The following ZNF658 variants were observed in gnomAD, a reference collection of about 807,000 sequenced individuals.
ZNF658 encodes zinc finger protein 658.
Under a neutral mutation model 78.0 loss-of-function variants are expected in ZNF658, and 46 were observed. The observed-to-expected ratio is 0.59, with a 90% CI of 0.47 to 0.75. The LOEUF (loss-of-function observed/expected upper bound fraction) is 0.75, where lower values mean the gene tolerates loss of function less well. Ranked by LOEUF, ZNF658 falls within the 30% of genes least tolerant of loss-of-function variation. The pLI, the probability that ZNF658 is intolerant of heterozygous loss-of-function variation, is 0.00. For synonymous variants in ZNF658, 279 were observed against 408.4 expected, an observed-to-expected ratio of 0.68 and a Z score of 3.82; for missense variants, 785 against 1,189.3, an observed-to-expected ratio of 0.66 and a Z score of 5.00.
At chr9:66,908,158 C>T (rs1296837483) in intron 2 of ZNF658, 80 bp from the exon 3 acceptor site, 55 of 1,609,786 alleles carry the variant, frequency 3.4e-5, no homozygotes, top group Non-Finnish European at 4.6e-5. Context: ...TAGTAGCTCT[C>T]AAAGATATTT....
chr9:66,929,852 C>A (rs1288393751), intron 6 of ZNF658, among the ~76,000 whole-genome samples: 1 of 127,490 alleles, frequency 7.8e-6, no homozygotes, highest in Non-Finnish European at 1.6e-5. Context: ...GGCATGATCT[C>A]GGCTCGCTGC....
At chr9:66,904,465 T>G (rs1392561999) in intron 2 of ZNF658, among the ~76,000 whole-genome samples, 1 of 151,860 alleles carries the variant, frequency 6.6e-6, no homozygotes, top group African/African-American at 2.4e-5. Context: ...CCTTGGCTCT[T>G]TAGTCTTCTC....
intron 4 of ZNF658, among the ~76,000 whole-genome samples, chr9:66,914,351 T>A (rs1422132824): frequency 6.6e-6 from 1 of 152,082 alleles, no homozygotes; most frequent in Non-Finnish European, 1.5e-5. Context: ...TATATTGGCC[T>A]TAGATTCTGC....
Position 66,920,120 on chromosome 9 carries a change from A to G in ZNF658, c.2554A>G (p.Lys852Glu), listed in dbSNP as rs528913932. 1 of 1,612,492 alleles carries G rather than the reference A, an allele frequency of 6.2e-7. No homozygotes were observed. Among genetic ancestry groups the G allele is most frequent in the Non-Finnish European group, 8.5e-7 (1 of 1,179,772 alleles). The change falls in exon 5 of 5, where the codon AAA (lysine) becomes GAA (glutamate). Residue 852 changes from lysine to glutamate, a missense_variant. By Grantham distance (56) the Lys-to-Glu change is moderately conservative (BLOSUM62 1). Coordinates refer to ENST00000621410, the MANE Select transcript of ZNF658 (RefSeq NM_033160.7). ...ACATCAGAGAATTCATACTGGGGAA[A>G]AACCCTATGAGTGTAATGAATGTGG... is the stretch of plus-strand genomic sequence containing the variant. Reference protein sequence around the residue: ...CAHQRIHTGEKPYECNECGKT... With the variant: ...CAHQRIHTGEEPYECNECGKT...
chr9:66,900,805 G>T lies in ZNF658; in HGVS notation c.-76G>T, dbSNP rs1335263476. The T allele has an allele frequency of 2.0e-5, 3 of 152,310 alleles. No homozygotes were observed. The highest frequency in any genetic ancestry group is 2.0e-4 in the Admixed American group (3 of 15,286). 9.4% of individuals were successfully genotyped at this position (152,310 alleles called of 1,614,324 possible). A position where few individuals can be genotyped will look rare whatever the true frequency, so the allele number is the denominator to read the frequency against. ...AGGGACACGGTGTCCGAGTCTTTAG[G>T]TCTGCGCGGGAGCCGAGGCTGCGCA... On this transcript the variant is annotated 5_prime_UTR_variant, in exon 1 of 5. Coordinates refer to ENST00000621410, the MANE Select transcript of ZNF658 (RefSeq NM_033160.7).
intron 4 of ZNF658, among the ~76,000 whole-genome samples, chr9:66,912,488 AC>A (rs1311990090): frequency 9.9e-6 from 1 of 100,712 alleles, no homozygotes; most frequent in East Asian, 2.5e-4. Context: ...TCTGTTCCAG[AC>A]CACTACAATG....
At chr9:66,930,842 G>A (rs202024632) in intron 6 of ZNF658, among the ~76,000 whole-genome samples, 10,259 of 148,770 alleles carry the variant, frequency 0.069, 466 homozygotes, top group East Asian at 0.25. Flanking sequence ...GAGCAACTTG[G>A]TTGTTACTTC....
chr9:66,902,801 A>T (rs1821982486), intron 1 of ZNF658: 1 of 152,228 alleles, frequency 6.6e-6, no homozygotes. Context: ...GGAAGTGCTA[A>T]TTCTGGGTGT....
At chr9:66,910,940 G>A in intron 4 of ZNF658, among the ~76,000 whole-genome samples, 1 of 151,766 alleles carries the variant, frequency 6.6e-6, no homozygotes, top group Non-Finnish European at 1.5e-5. Flanking sequence ...CAAGAGCACA[G>A]GGAAATGAAA....
chr9:66,910,838 C>T (rs959788844), intron 4 of ZNF658, among the ~76,000 whole-genome samples: 3 of 143,406 alleles, frequency 2.1e-5, no homozygotes, highest in Non-Finnish European at 4.5e-5. Context: ...GTTGTTGAGT[C>T]AATAAAGATA....
rs568776150 is a variant in ZNF658 at position 66,920,941 on chromosome 9, T to TA, written c.*207dup. 0.11 allele frequency: 57,357 copies of TA among 521,002 alleles called. 47 individuals are homozygous for TA. Among genetic ancestry groups the TA allele is most frequent in the South Asian group, 0.14 (5,369 of 39,210 alleles). The allele number at this position is 521,002 out of a possible 1,614,324, so 32.3% of individuals were successfully genotyped here. ...AAATATTACATTTACCCTTGGCCCTTAAAAAAAAAAAAGAAAAACCCTCAC... is the reference window on the plus strand; with the variant it reads ...AAATATTACATTTACCCTTGGCCCTTAAAAAAAAAAAAAGAAAAACCCTCAC... On this transcript the variant is annotated 3_prime_UTR_variant, in exon 5 of 5. Coordinates refer to ENST00000621410, the MANE Select transcript of ZNF658 (RefSeq NM_033160.7).
intron 6 of ZNF658, among the ~76,000 whole-genome samples, chr9:66,929,568 C>T (rs1183673317): frequency 3.9e-5 from 6 of 151,954 alleles, no homozygotes; most frequent in African/African-American, 7.3e-5. Flanking sequence ...TTTAATGCTC[C>T]TAATCTAAAG....
rs1822426012 is a variant in ZNF658 at position 66,918,997 on chromosome 9, C to A, written c.1431C>A (p.Tyr477Ter). 2.6e-6 allele frequency: 3 copies of A among 1,143,584 alleles called. No individual in the cohort carries two copies. Among genetic ancestry groups the A allele is most frequent in the Middle Eastern group, 2.9e-4 (1 of 3,472 alleles). 70.8% of individuals were successfully genotyped at this position (1,143,584 alleles called of 1,614,324 possible). Residue 477 changes from tyrosine to a stop codon, truncating the protein, a stop_gained, in exon 5 of 5, where the codon TAC (tyrosine) becomes TAA (stop). Transcript: ENST00000621410. LOFTEE classifies it high-confidence loss of function. Reference protein sequence around the residue: ...PCDNNGCGRSYKSPLIGHQKT... With the variant: ...PCDNNGCGRS ...ATAACAATGGCTGTGGGAGATCTTA[C>A]AAGTCACCCCTCATAGGACACCAGA...
chr9:66,905,932 CTTG>C (rs1254070677), intron 2 of ZNF658, among the ~76,000 whole-genome samples: 6 of 148,840 alleles, frequency 4.0e-5, no homozygotes, highest in African/African-American at 1.5e-4. Context: ...ATGGGTCTTA[CTTG>C]TTGTTTCTTT....
chr9:66,909,826 CATA>C (rs1822171539), intron 4 of ZNF658, among the ~76,000 whole-genome samples: 2 of 152,134 alleles, frequency 1.3e-5, no homozygotes, highest in African/African-American at 4.8e-5. Flanking sequence ...CTAGGGCTAT[CATA>C]ATAAAATACC....
rs1326408431 is a variant in ZNF658, at chr9:66,901,135, G to A, written c.-45+299G>A. On this transcript the variant is annotated intron_variant, in intron 1 of 4. Coordinates refer to ENST00000621410, the MANE Select transcript of ZNF658 (RefSeq NM_033160.7). ...AATTAAATAAGTTGTCACCTGTAAA[G>A]CATTTTGTTAAGTGTCTGTAATAGT... 3.3e-5 allele frequency: 5 copies of A among 152,296 alleles called. No homozygotes were observed. The South Asian group carries it at 1.0e-3, about 32-fold the overall frequency. 9.4% of individuals were successfully genotyped at this position (152,296 alleles called of 1,614,324 possible).
At position 66,908,345 on chromosome 9, in the gene ZNF658, C is replaced by T. The variant is rs373329712; in HGVS notation, c.123C>T (p.Tyr41=). ...TLYRDVMLEN[Y]SHLISVGYCI... ...ACAGAGATGTGATGCTGGAGAACTACAGCCACCTCATCTCAGTGGGTGAGC... is the reference window on the plus strand; with the variant it reads ...ACAGAGATGTGATGCTGGAGAACTATAGCCACCTCATCTCAGTGGGTGAGC... Residue 41 remains tyrosine (Y), a synonymous_variant, in exon 3 of 5, where the codon TAC becomes TAT. Coordinates refer to ENST00000621410, the MANE Select transcript of ZNF658 (RefSeq NM_033160.7). The T allele has an allele frequency of 5.6e-6, 9 of 1,614,016 alleles. No homozygotes were observed. The highest frequency in any genetic ancestry group is 7.6e-6 in the Non-Finnish European group (9 of 1,180,022).
rs1245508168 is a variant in ZNF658 at position 66,918,634 on chromosome 9, T to C, written c.1068T>C (p.Asn356=). ...CTGGAGATAAATTTGGTGAACATAA[T>C]GAATGTACAGATGCCCTCTACCAGA... ...TQAGDKFGEH[N]ECTDALYQKL... is the part of the protein sequence containing the mutation. The change falls in exon 5 of 5, where the codon AAT becomes AAC. Residue 356 remains asparagine (N), a synonymous_variant. Coordinates refer to ENST00000621410, the MANE Select transcript of ZNF658 (RefSeq NM_033160.7). 6.2e-7 allele frequency: 1 copy of C among 1,612,940 alleles called. No individual in the cohort carries two copies. Among genetic ancestry groups the C allele is most frequent in the Non-Finnish European group, 8.5e-7 (1 of 1,179,160 alleles).
intron 1 of ZNF658, chr9:66,902,964 C>G (rs1346863668): frequency 6.6e-6 from 1 of 152,106 alleles, no homozygotes; most frequent in East Asian, 1.9e-4. Flanking sequence ...TGGCCTCCAG[C>G]AGTTCACCCC....
Sources: gnomAD v4.1 joint callset for allele counts (sites outside exome capture counted in the v4.1 genomes callset) on GRCh38, gnomAD v4.1.1 for gene constraint, MANE v1.5 for transcripts, NCBI Gene and HGNC (gene_info 2026-07-23, HGNC 2026-07-21) for gene names.